Variants in PDE3B observed in about 807,000 individuals in gnomAD.
PDE3B encodes phosphodiesterase 3B.
A neutral mutation model predicts 116.8 loss-of-function variants in PDE3B; 66 were observed. The ratio of observed to expected loss-of-function variants is 0.56; its 90% confidence interval spans 0.46 to 0.69. The LOEUF is 0.69. PDE3B is among the 30% of genes least tolerant of loss of function. The probability of loss-of-function intolerance (pLI) is 0.00; values close to 1 mark genes in which losing one functional copy is unlikely to be tolerated. For synonymous variants in PDE3B, 595 were observed against 533.6 expected (o/e 1.12, Z -1.59); for missense variants, 1,384 against 1,368.1 (o/e 1.01, Z -0.18).
At chr11:14,881,287 G>A in the PDE3B span, among the ~76,000 whole-genome samples, 1 of 152,062 alleles carries the variant, frequency 6.6e-6, no homozygotes, top group Non-Finnish European at 1.5e-5. Flanking sequence ...TGAATGAGCT[G>A]TCAATATAGT....
rs376576490 is a variant in PDE3B, at chr11:14,806,769, G to A, written c.1522+2719G>A. Among the ~76,000 whole-genome samples, 270 of 143,610 alleles carry A rather than the reference G, an allele frequency of 1.9e-3. 1 individual carries two copies. The highest frequency in any genetic ancestry group is 6.6e-3 in the African/African-American group (254 of 38,488). 94.2% of individuals were successfully genotyped at this position (143,610 alleles called of 152,430 possible). A position where few individuals can be genotyped will look rare whatever the true frequency, so the allele number is the denominator to read the frequency against. On this transcript the variant is annotated intron_variant, in intron 5 of 15. Transcript: ENST00000282096. ...AGCTATTTGGGAGGCTGAGGCAGGA[G>A]AATGGCATGAACCCGGGAGGCGGAG...
At chr11:14,857,053 T>C (rs1201480570) in intron 12 of PDE3B, among the ~76,000 whole-genome samples, 1 of 152,234 alleles carries the variant, frequency 6.6e-6, no homozygotes, top group Non-Finnish European at 1.5e-5. Context: ...TACTATTTGC[T>C]AAGATTCTGT....
At chr11:14,848,371 C>T (rs1847659981) in intron 12 of PDE3B, among the ~76,000 whole-genome samples, 1 of 145,458 alleles carries the variant, frequency 6.9e-6, no homozygotes, top group African/African-American at 2.6e-5. Flanking sequence ...GACAAACCCA[C>T]AGCCAATATC....
intron 5 of PDE3B, among the ~76,000 whole-genome samples, chr11:14,814,154 A>G (rs185023344): frequency 0.011 from 1,677 of 152,306 alleles, 26 homozygotes; most frequent in African/African-American, 0.038. Context: ...TTTTTCAAAC[A>G]TAATACATAA....
the PDE3B span, chr11:14,885,643 A>G: frequency 1.1e-6 from 1 of 951,726 alleles, no homozygotes; most frequent in East Asian, 2.6e-5. Flanking sequence ...GTCCTCAAAT[A>G]CTAGGTTCTG....
intron 7 of PDE3B, among the ~76,000 whole-genome samples, chr11:14,821,956 G>A (rs1565152412): frequency 6.6e-6 from 1 of 150,412 alleles, no homozygotes; most frequent in East Asian, 2.0e-4. Flanking sequence ...CCAGGCTAGA[G>A]AGTACAGTGG....
intron 7 of PDE3B, among the ~76,000 whole-genome samples, chr11:14,823,215 C>T (rs1477513744): frequency 2.0e-5 from 3 of 152,024 alleles, no homozygotes; most frequent in Middle Eastern, 3.2e-3. Flanking sequence ...GTACTGGAGC[C>T]GTCTCTCACC....
intron 1 of PDE3B, among the ~76,000 whole-genome samples, chr11:14,665,376 C>T (rs1308077313): frequency 6.6e-6 from 1 of 152,216 alleles, no homozygotes. Context: ...GATGCTGTCT[C>T]TCACCACTCC....
intron 14 of PDE3B, among the ~76,000 whole-genome samples, chr11:14,866,174 A>G (rs921387071): frequency 7.2e-5 from 11 of 152,180 alleles, no homozygotes; most frequent in African/African-American, 9.7e-5. Context: ...GTGCTCAATA[A>G]ATGTTAACTA....
At chr11:14,734,829 G>T (rs556689890) in intron 1 of PDE3B, among the ~76,000 whole-genome samples, 183 of 152,038 alleles carry the variant, frequency 1.2e-3, no homozygotes, top group Non-Finnish European at 1.5e-3. Flanking sequence ...TGAGAATACA[G>T]ATTCCAATAC....
intron 8 of PDE3B, 136 bp downstream of exon 8, chr11:14,830,982 A>C: frequency 7.1e-6 from 3 of 424,466 alleles, no homozygotes. Context: ...AGTCACTATA[A>C]CTGAAATATT....
At chr11:14,698,207 C>T (rs1855266762) in intron 1 of PDE3B, among the ~76,000 whole-genome samples, 1 of 151,358 alleles carries the variant, frequency 6.6e-6, no homozygotes, top group Non-Finnish European at 1.5e-5. Flanking sequence ...AAGGAAGTTC[C>T]CTTCCATTCC....
chr11:14,879,334 T>C, the PDE3B span: 1 of 1,612,924 alleles, frequency 6.2e-7, no homozygotes, highest in Non-Finnish European at 8.5e-7. Flanking sequence ...TATTACAGAA[T>C]CTTAAAACTT....
intron 7 of PDE3B, among the ~76,000 whole-genome samples, chr11:14,826,622 T>C (rs903122319): frequency 1.3e-5 from 2 of 152,086 alleles, no homozygotes; most frequent in East Asian, 3.9e-4. Context: ...GAATCTGTAA[T>C]AAATAGCCCA....
intron 2 of PDE3B, among the ~76,000 whole-genome samples, chr11:14,785,179 T>G (rs1209736640): frequency 6.6e-6 from 1 of 152,170 alleles, no homozygotes; most frequent in Non-Finnish European, 1.5e-5. Context: ...GACCTTATTT[T>G]AACATGTTAA....
At chr11:14,661,188 T>C (rs1184851289) in intron 1 of PDE3B, among the ~76,000 whole-genome samples, 1 of 152,238 alleles carries the variant, frequency 6.6e-6, no homozygotes, top group Non-Finnish European at 1.5e-5. Context: ...CAAAGGATTA[T>C]AAATCATGCT....
chr11:14,678,818 A>G (rs542652294), intron 1 of PDE3B, among the ~76,000 whole-genome samples: 1 of 152,220 alleles, frequency 6.6e-6, no homozygotes, highest in South Asian at 2.1e-4. Flanking sequence ...AATATTTAAG[A>G]ACTTTTTAAC....
At chr11:14,783,362 A>T (rs962272545) in intron 2 of PDE3B, among the ~76,000 whole-genome samples, 1 of 152,256 alleles carries the variant, frequency 6.6e-6, no homozygotes, top group African/African-American at 2.4e-5. Flanking sequence ...ACCAACCCAG[A>T]TGTCCATCAG....
At chr11:14,844,649 C>T (rs188214807) in intron 12 of PDE3B, among the ~76,000 whole-genome samples, 155 of 152,340 alleles carry the variant, frequency 1.0e-3, no homozygotes, top group African/African-American at 3.3e-3. Flanking sequence ...TACGCTTTTC[C>T]GACGGGCTTA....
Sources: allele counts gnomAD v4.1 joint callset (sites outside exome capture counted in the v4.1 genomes callset), GRCh38; gene constraint gnomAD v4.1.1; transcripts MANE v1.5; gene names NCBI Gene and HGNC (gene_info 2026-07-23, HGNC 2026-07-21).